The following ADAMTSL1 variants were observed in gnomAD, a reference collection of about 807,000 sequenced individuals.
ADAMTSL1 encodes the protein ADAMTS-like protein 1.
Under a neutral mutation model 201.8 loss-of-function variants are expected in ADAMTSL1, and 126 were observed. That is an observed-to-expected ratio of 0.62 (90% CI 0.54 to 0.72). The LOEUF is 0.72. Among genes scored for constraint, ADAMTSL1 ranks in the 30% least tolerant of loss-of-function variants. The probability of loss-of-function intolerance (pLI) is 0.00; values close to 1 mark genes in which losing one functional copy is unlikely to be tolerated. For synonymous variants in ADAMTSL1, 1,121 were observed against 903.4 expected, an observed-to-expected ratio of 1.24 and a Z score of -4.32; for missense variants, 2,679 against 2,277.8, an observed-to-expected ratio of 1.18 and a Z score of -3.59.
At chr9:17,997,344 C>T (rs1819425146) in intron 1 of ADAMTSL1, among the ~76,000 whole-genome samples, 1 of 151,924 alleles carries the variant, frequency 6.6e-6, no homozygotes, top group African/African-American at 2.4e-5. Flanking sequence ...AGTTATCTTG[C>T]CAAATAAAGA....
intron 2 of ADAMTSL1, among the ~76,000 whole-genome samples, chr9:18,435,280 G>C (rs1168752319): frequency 6.6e-6 from 1 of 152,160 alleles, no homozygotes; most frequent in Non-Finnish European, 1.5e-5. Context: ...TATATCTTTA[G>C]TCTCTTCATA....
chr9:18,626,478 A>T (rs908937697), intron 5 of ADAMTSL1, among the ~76,000 whole-genome samples: 2 of 152,232 alleles, frequency 1.3e-5, no homozygotes, highest in African/African-American at 4.8e-5. Context: ...TGGTATTTGC[A>T]TTCGGGATAT....
intron 1 of ADAMTSL1, among the ~76,000 whole-genome samples, chr9:18,163,587 G>A (rs1827498596): frequency 6.6e-6 from 1 of 152,062 alleles, no homozygotes; most frequent in East Asian, 1.9e-4. Flanking sequence ...ATTGGACCTG[G>A]CCACAGAGAT....
At chr9:18,765,948 C>T (rs1394560443) in intron 16 of ADAMTSL1, among the ~76,000 whole-genome samples, 2 of 152,128 alleles carry the variant, frequency 1.3e-5, no homozygotes, top group Non-Finnish European at 2.9e-5. Context: ...ATTCAAGAGA[C>T]TCAGCCACAT....
intron 2 of ADAMTSL1, among the ~76,000 whole-genome samples, chr9:18,168,391 T>C (rs577286916): frequency 6.6e-6 from 1 of 152,258 alleles, no homozygotes; most frequent in African/African-American, 2.4e-5. Flanking sequence ...TTTTTTGTCC[T>C]TGTGATAGTT....
intron 1 of ADAMTSL1, among the ~76,000 whole-genome samples, chr9:18,083,300 G>A (rs1823596945): frequency 6.6e-6 from 1 of 152,130 alleles, no homozygotes; most frequent in South Asian, 2.1e-4. Context: ...TGTATGATGA[G>A]TTCAGTTCTC....
chr9:18,613,833 G>A (rs181525508), intron 4 of ADAMTSL1, among the ~76,000 whole-genome samples: 3 of 152,004 alleles, frequency 2.0e-5, no homozygotes, highest in Non-Finnish European at 4.4e-5. Flanking sequence ...CCCACGACAC[G>A]CATATACCTA....
At chr9:18,250,545 A>G (rs757479560) in intron 2 of ADAMTSL1, among the ~76,000 whole-genome samples, 17 of 152,094 alleles carry the variant, frequency 1.1e-4, no homozygotes, top group Non-Finnish European at 2.1e-4. Context: ...TTTAGACACT[A>G]CCTTCTGAGC....
At chr9:18,335,953 A>G (rs1478952391) in intron 2 of ADAMTSL1, among the ~76,000 whole-genome samples, 1 of 152,140 alleles carries the variant, frequency 6.6e-6, no homozygotes, top group Non-Finnish European at 1.5e-5. Flanking sequence ...ATATTCTACA[A>G]TTTTACAGGA....
intron 1 of ADAMTSL1, among the ~76,000 whole-genome samples, chr9:18,130,235 C>T (rs1035617753): frequency 5.9e-5 from 9 of 152,208 alleles, no homozygotes; most frequent in African/African-American, 9.6e-5. Flanking sequence ...TTAGTCATTG[C>T]GGGAAGACAG....
chr9:17,983,073 TTTC>T (rs1818783881), intron 1 of ADAMTSL1, among the ~76,000 whole-genome samples: 5 of 125,044 alleles, frequency 4.0e-5, no homozygotes, highest in South Asian at 2.9e-4. Flanking sequence ...TCTTTCTTTC[TTTC>T]TTTTTTTTTT....
At chr9:18,269,952 C>T (rs1166086908) in intron 2 of ADAMTSL1, among the ~76,000 whole-genome samples, 6 of 151,382 alleles carry the variant, frequency 4.0e-5, no homozygotes, top group Non-Finnish European at 8.8e-5. Flanking sequence ...GGGACCAGGT[C>T]TTTGGAACAG....
intron 20 of ADAMTSL1, among the ~76,000 whole-genome samples, chr9:18,809,777 G>A (rs1231270770): frequency 6.6e-6 from 1 of 151,940 alleles, no homozygotes; most frequent in Non-Finnish European, 1.5e-5. Context: ...CAACAAGAGC[G>A]AAACTCCATC....
intron 3 of ADAMTSL1, among the ~76,000 whole-genome samples, chr9:18,572,786 A>G (rs766099927): frequency 2.6e-5 from 4 of 152,220 alleles, no homozygotes; most frequent in African/African-American, 4.8e-5. Flanking sequence ...AAGAAACCTT[A>G]TATAAGAGAA....
At chr9:18,763,701 A>G (rs772238156) in intron 16 of ADAMTSL1, among the ~76,000 whole-genome samples, 5 of 152,264 alleles carry the variant, frequency 3.3e-5, no homozygotes, top group African/African-American at 7.2e-5. Flanking sequence ...TACTCTGCAT[A>G]GAGATATCCA....
chr9:18,747,263 G>C (rs1261471326), intron 15 of ADAMTSL1, among the ~76,000 whole-genome samples: 2 of 152,148 alleles, frequency 1.3e-5, no homozygotes, highest in Non-Finnish European at 2.9e-5. Flanking sequence ...TCTGTTAGCT[G>C]ATCCTGTAAA....
At chr9:18,653,571 T>C (rs1400578986) in intron 7 of ADAMTSL1, among the ~76,000 whole-genome samples, 2 of 149,770 alleles carry the variant, frequency 1.3e-5, no homozygotes, top group Non-Finnish European at 3.0e-5. Flanking sequence ...AGCTCAGGAG[T>C]TTGAGACTAG....
chr9:18,800,712 C>T (rs994839750), intron 20 of ADAMTSL1, among the ~76,000 whole-genome samples: 2 of 152,140 alleles, frequency 1.3e-5, no homozygotes, highest in Non-Finnish European at 2.9e-5. Flanking sequence ...GCAATTCCAA[C>T]ATCTATTCAA....
intron 3 of ADAMTSL1, among the ~76,000 whole-genome samples, chr9:18,559,726 C>A (rs375043754): frequency 6.6e-6 from 1 of 152,126 alleles, no homozygotes; most frequent in Non-Finnish European, 1.5e-5. Flanking sequence ...TTCTTCACAT[C>A]CCTTGTAAGT....
Sources: gnomAD v4.1 joint callset for allele counts (sites outside exome capture counted in the v4.1 genomes callset) on GRCh38, gnomAD v4.1.1 for gene constraint, MANE v1.5 for transcripts, NCBI Gene and HGNC (gene_info 2026-07-23, HGNC 2026-07-21) for gene names.